PCDHA5: variants seen among roughly 807,000 people sequenced by gnomAD.
PCDHA5 encodes protocadherin alpha 5.
Under a neutral mutation model 61.6 loss-of-function variants are expected in PCDHA5, and 43 were observed. The observed-to-expected ratio is 0.70, with a 90% CI of 0.55 to 0.90. The LOEUF is 0.90. PCDHA5 is among the 40% of genes least tolerant of loss of function. PCDHA5 has a pLI of 0.00. For synonymous variants in PCDHA5, 627 were observed against 543.9 expected (o/e 1.15, Z -2.13); for missense variants, 1,298 against 1,222.7 (o/e 1.06, Z -0.92).
rs2150343168 is a variant in PCDHA5, at chr5:140,842,728, G to C, written c.2352+18601G>C. 3.1e-6 allele frequency: 5 copies of C among 1,594,936 alleles called. No individual in the cohort carries two copies. In the Admixed American group the frequency reaches 6.7e-5, roughly 22 times the overall value. On this transcript the variant is annotated intron_variant, in intron 1 of 3. Coordinates refer to ENST00000529859, the MANE Select transcript of PCDHA5 (RefSeq NM_018908.3). ...CGGTGTTCGTGAAGGAGAACAACCC[G>C]CCGGGCTGCCACATCTTCACGGTGT...
At chr5:140,940,731 G>C (rs1195223562) in intron 1 of PCDHA5, among the ~76,000 whole-genome samples, 1 of 152,280 alleles carries the variant, frequency 6.6e-6, no homozygotes, top group South Asian at 2.1e-4. Context: ...CAGCTGGACA[G>C]CTCCATATTT....
chr5:140,831,301 T>C (rs2150193400), intron 1 of PCDHA5: 1 of 152,322 alleles, frequency 6.6e-6, no homozygotes, highest in African/African-American at 2.4e-5. Context: ...TCTAAATCTA[T>C]TTCTTTGTAT....
chr5:140,996,175 C>T (rs1296990069), intron 3 of PCDHA5, among the ~76,000 whole-genome samples: 2 of 152,336 alleles, frequency 1.3e-5, no homozygotes, highest in Middle Eastern at 3.4e-3. Flanking sequence ...GTGCTGACAG[C>T]ACCTCCATTT....
intron 1 of PCDHA5, among the ~76,000 whole-genome samples, chr5:140,910,128 T>C (rs2074896985): frequency 6.6e-6 from 1 of 152,238 alleles, no homozygotes; most frequent in African/African-American, 2.4e-5. Flanking sequence ...GTCTGTAAAC[T>C]GGTTTAAGTC....
At chr5:140,905,950 T>C (rs2072233262) in intron 1 of PCDHA5, among the ~76,000 whole-genome samples, 1 of 152,206 alleles carries the variant, frequency 6.6e-6, no homozygotes, top group Non-Finnish European at 1.5e-5. Flanking sequence ...TGGAATCCGA[T>C]GTTCAAGGGG....
intron 3 of PCDHA5, among the ~76,000 whole-genome samples, chr5:140,985,631 T>C (rs551279134): frequency 1.2e-4 from 18 of 152,250 alleles, no homozygotes; most frequent in Admixed American, 1.2e-3. Flanking sequence ...GTATTGCTCT[T>C]CTCATCCCAA....
At chr5:140,947,956 A>G (rs1460892977) in intron 1 of PCDHA5, among the ~76,000 whole-genome samples, 2 of 151,570 alleles carry the variant, frequency 1.3e-5, no homozygotes, top group Non-Finnish European at 3.0e-5. Context: ...CATATTTTAC[A>G]ATTAAGTATG....
intron 1 of PCDHA5, chr5:140,825,001 T>A (rs2150137915): frequency 6.6e-6 from 1 of 152,108 alleles, no homozygotes; most frequent in Non-Finnish European, 1.5e-5. Context: ...TATACATGGT[T>A]TACTGTTCTA....
At chr5:140,946,019 C>T (rs1014072062) in intron 1 of PCDHA5, among the ~76,000 whole-genome samples, 2 of 151,732 alleles carry the variant, frequency 1.3e-5, no homozygotes, top group African/African-American at 2.4e-5. Context: ...TCCTGCGCAG[C>T]AAAGAAAACA....
At chr5:140,877,048 G>A (rs376952553) in intron 1 of PCDHA5, 2 of 1,612,558 alleles carry the variant, frequency 1.2e-6, no homozygotes, top group East Asian at 2.2e-5. Flanking sequence ...GCTAGACCAC[G>A]AGGAGCTGGA....
rs781922775 is a variant in PCDHA5 at position 140,856,490 on chromosome 5, G to C, written c.2352+32363G>C. On this transcript the variant is annotated intron_variant, in intron 1 of 3. Coordinates refer to ENST00000529859, the MANE Select transcript of PCDHA5 (RefSeq NM_018908.3). Reference sequence around the variant, plus strand: ...CTCAATACCTGAATCCAGACTGCTTGACTCTCGATTTCCACTAGAAGGCGC... The same window carrying C: ...CTCAATACCTGAATCCAGACTGCTTCACTCTCGATTTCCACTAGAAGGCGC... 1.9e-6 allele frequency: 3 copies of C among 1,598,350 alleles called. 1 individual carries two copies. The highest frequency in any genetic ancestry group is 2.6e-6 in the Non-Finnish European group (3 of 1,167,864).
Position 141,000,421 on chromosome 5 carries a change from A to ATTTT in PCDHA5, c.2501-9186_2501-9183dup, listed in dbSNP as rs34755515. ...TATATATATATATATATATATATAT[A>ATTTT]TTTTTTTTTTTTTTTTTTTTTTTGA... On this transcript the variant is annotated intron_variant, in intron 3 of 3. Transcript: ENST00000529859. Among the ~76,000 whole-genome samples the ATTTT allele has an allele frequency of 6.1e-3, 170 of 27,980 alleles. 16 individuals carry two copies. The highest frequency in any genetic ancestry group is 7.4e-3 in the Non-Finnish European group (131 of 17,660). The allele number at this position is 27,980 out of a possible 152,430, so 18.4% of individuals were successfully genotyped here.
intron 1 of PCDHA5, chr5:140,853,906 C>G: frequency 1.0e-6 from 1 of 955,174 alleles, no homozygotes; most frequent in Non-Finnish European, 1.3e-6. Flanking sequence ...GGTGGCCTGA[C>G]ACCTGCAATC....
chr5:140,843,306 C>G, intron 1 of PCDHA5: 1 of 1,596,008 alleles, frequency 6.3e-7, no homozygotes, highest in East Asian at 2.2e-5. Context: ...CTGACCGCCA[C>G]GGCCACGGTT....
At chr5:140,909,961 A>G (rs1407330494) in intron 1 of PCDHA5, among the ~76,000 whole-genome samples, 2 of 152,206 alleles carry the variant, frequency 1.3e-5, no homozygotes, top group Non-Finnish European at 2.9e-5. Flanking sequence ...GTAGGTCTCC[A>G]TGGGGAAGGA....
At chr5:140,858,251 C>A in intron 1 of PCDHA5, 1 of 1,596,688 alleles carries the variant, frequency 6.3e-7, no homozygotes, top group East Asian at 2.2e-5. Context: ...GCCGGTGAAG[C>A]CCACGCTGGT....
At chr5:140,927,547 G>A (rs2084343936) in intron 1 of PCDHA5, 2 of 1,614,126 alleles carry the variant, frequency 1.2e-6, no homozygotes, top group Non-Finnish European at 8.5e-7. Flanking sequence ...AGACGCACAA[G>A]TCACCATCAT....
chr5:140,877,697 C>T (rs2057290837), intron 1 of PCDHA5: 15 of 1,613,794 alleles, frequency 9.3e-6, no homozygotes, highest in Non-Finnish European at 1.3e-5. Flanking sequence ...CTGGTGTGCT[C>T]CAGCGCCGTG....
rs11958868 is a variant in PCDHA5, at chr5:140,821,835, T to A, written c.60T>A (p.Leu20=). The change falls in exon 1 of 4, where the codon CTT becomes CTA. Residue 20 remains leucine, a synonymous_variant. Coordinates refer to ENST00000529859, the MANE Select transcript of PCDHA5 (RefSeq NM_018908.3). ...GSRLLLLWLL[L]AYWKAGSGQL... The stretch of plus-strand genomic sequence containing the variant: ...GGCTCCTGCTGCTCTGGCTTCTCCT[T>A]GCCTACTGGAAGGCAGGGAGCGGCC... The A allele has an allele frequency of 3.1e-6, 5 of 1,613,936 alleles. No homozygotes were observed. The highest frequency in any genetic ancestry group is 1.3e-5 in the African/African-American group (1 of 74,890).
Sources: allele counts gnomAD v4.1 joint callset (sites outside exome capture counted in the v4.1 genomes callset), GRCh38; gene constraint gnomAD v4.1.1; transcripts MANE v1.5; gene names NCBI Gene and HGNC (gene_info 2026-07-23, HGNC 2026-07-21).